Variants in OSBPL8 observed in about 807,000 individuals in gnomAD.
OSBPL8 encodes oxysterol-binding protein-related protein 8.
A neutral mutation model predicts 125.5 loss-of-function variants in OSBPL8; 59 were observed. The observed-to-expected ratio is 0.47, with a 90% CI of 0.38 to 0.58. The LOEUF is 0.58. Ranked by LOEUF, OSBPL8 falls within the 20% of genes least tolerant of loss-of-function variation. The pLI, the probability that OSBPL8 is intolerant of heterozygous loss-of-function variation, is 0.00. For missense variants in OSBPL8, 758 were observed against 1,047.8 expected, an observed-to-expected ratio of 0.72 and a Z score of 3.82; for synonymous variants, 330 against 338.9, an observed-to-expected ratio of 0.97 and a Z score of 0.29.
At chr12:76,536,413 A>C (rs1382756870) in intron 1 of OSBPL8, among the ~76,000 whole-genome samples, 2 of 152,128 alleles carry the variant, frequency 1.3e-5, no homozygotes, top group African/African-American at 4.8e-5. Context: ...TAACTGAGAT[A>C]ATTAATTTTG....
At chr12:76,518,860 T>A (rs1881804233) in intron 1 of OSBPL8, among the ~76,000 whole-genome samples, 1 of 152,294 alleles carries the variant, frequency 6.6e-6, no homozygotes, top group Admixed American at 6.5e-5. Context: ...CTGGGACAGG[T>A]CCCTGAAACC....
intron 15 of OSBPL8, among the ~76,000 whole-genome samples, chr12:76,379,346 C>CCGTA (rs1952945790): frequency 6.6e-6 from 1 of 152,050 alleles, no homozygotes; most frequent in Admixed American, 6.6e-5. Flanking sequence ...AAGTTTTCTC[C>CCGTA]TGTATGCATT....
intron 1 of OSBPL8, among the ~76,000 whole-genome samples, chr12:76,510,274 T>C (rs1377396896): frequency 1.3e-5 from 2 of 152,210 alleles, no homozygotes; most frequent in Non-Finnish European, 2.9e-5. Context: ...GACAAGTTAC[T>C]AATAAAATGC....
intron 16 of OSBPL8, among the ~76,000 whole-genome samples, chr12:76,377,712 C>T (rs536635856): frequency 6.6e-6 from 1 of 152,250 alleles, no homozygotes; most frequent in South Asian, 2.1e-4. Flanking sequence ...AGGGAGGATA[C>T]ACATCATGAC....
intron 9 of OSBPL8, among the ~76,000 whole-genome samples, chr12:76,393,995 G>A (rs948804965): frequency 6.6e-6 from 1 of 152,178 alleles, no homozygotes; most frequent in African/African-American, 2.4e-5. Flanking sequence ...ACTCCAGGCT[G>A]GCAACAGAGC....
At chr12:76,378,097 A>T (rs889643464) in intron 16 of OSBPL8, among the ~76,000 whole-genome samples, 11 of 152,222 alleles carry the variant, frequency 7.2e-5, no homozygotes, top group Non-Finnish European at 7.3e-5. Flanking sequence ...TTAAAATTTT[A>T]AAAAAGCATG....
In OSBPL8 at chr12:76,451,460, C is replaced by T. The variant is rs529394461; in HGVS notation, c.80-472G>A. Among the ~76,000 whole-genome samples the T allele has an allele frequency of 2.0e-5, 3 of 152,230 alleles. No homozygotes were observed. The South Asian group carries it at 6.2e-4, about 32-fold the overall frequency. ...TTTGACATTCGCTAGAATTTCTACT[C>T]TAATTTCTAATTTTCACGAAAAGTC... On this transcript the variant is annotated intron_variant, in intron 3 of 23. Coordinates refer to ENST00000261183, the MANE Select transcript of OSBPL8 (RefSeq NM_020841.5).
chr12:76,404,899 C>T (rs924869654), intron 5 of OSBPL8, among the ~76,000 whole-genome samples: 5 of 151,966 alleles, frequency 3.3e-5, no homozygotes, highest in Admixed American at 6.5e-5. Context: ...GCATGTTGTT[C>T]GAGGATCAAC....
At chr12:76,550,882 C>T (rs1252784664) in intron 1 of OSBPL8, among the ~76,000 whole-genome samples, 1 of 152,046 alleles carries the variant, frequency 6.6e-6, no homozygotes, top group African/African-American at 2.4e-5. Flanking sequence ...TCAAATTCAG[C>T]CTATGCAAAA....
rs1232937223 is a variant in OSBPL8, at chr12:76,397,361, C to A, written c.672+333G>T. 5.0e-4 allele frequency among the ~76,000 whole-genome samples: 4 copies of A among 8,074 alleles called. No individual in the cohort carries two copies. In the East Asian group the frequency reaches 9.1e-3, roughly 18 times the overall value. 5.3% of individuals were successfully genotyped at this position (8,074 alleles called of 152,430 possible). On this transcript the variant is annotated intron_variant, in intron 8 of 23. Transcript: ENST00000261183. ...AGGGGGTGGGGAGGGGGGGTGGGGGCAGGTGGGTGGGAAAAAAAAAACCAA... is the reference window on the plus strand; with the variant it reads ...AGGGGGTGGGGAGGGGGGGTGGGGGAAGGTGGGTGGGAAAAAAAAAACCAA...
intron 7 of OSBPL8, 74 bp downstream of exon 7, chr12:76,399,799 G>T: frequency 8.6e-7 from 1 of 1,165,538 alleles, no homozygotes. Context: ...GTAGGCGTTA[G>T]GTATACTCCA....
intron 1 of OSBPL8, among the ~76,000 whole-genome samples, chr12:76,500,948 G>A (rs1025525404): frequency 5.9e-5 from 9 of 152,174 alleles, no homozygotes; most frequent in South Asian, 2.1e-4. Flanking sequence ...AGTTACTACT[G>A]TGTACTTAAC....
chr12:76,471,777 GA>G (rs1455858542), intron 2 of OSBPL8, among the ~76,000 whole-genome samples: 2 of 152,140 alleles, frequency 1.3e-5, no homozygotes, highest in African/African-American at 4.8e-5. Context: ...TCACAAATGT[GA>G]CAAACTGAAA....
intron 4 of OSBPL8, among the ~76,000 whole-genome samples, chr12:76,440,484 T>G (rs937061194): frequency 2.0e-5 from 3 of 152,230 alleles, no homozygotes; most frequent in Admixed American, 6.5e-5. Context: ...AAGATTTGTG[T>G]CAGTTCTTCC....
intron 16 of OSBPL8, among the ~76,000 whole-genome samples, 175 bp from the exon 17 acceptor site, chr12:76,375,545 A>G (rs1389388502): frequency 1.3e-5 from 2 of 152,166 alleles, no homozygotes; most frequent in African/African-American, 2.4e-5. Context: ...ATATAAATAG[A>G]TAACACCTGA....
intron 1 of OSBPL8, among the ~76,000 whole-genome samples, chr12:76,516,877 C>T (rs925128213): frequency 2.0e-5 from 3 of 149,828 alleles, no homozygotes; most frequent in African/African-American, 7.4e-5. Flanking sequence ...TGCAGTGGCG[C>T]AGTATCGGCT....
chr12:76,542,814 C>A (rs1442554918), intron 1 of OSBPL8, among the ~76,000 whole-genome samples: 1 of 152,168 alleles, frequency 6.6e-6, no homozygotes, highest in Non-Finnish European at 1.5e-5. Context: ...GGTCTCAGGC[C>A]TCACATGATC....
At chr12:76,514,563 G>C (rs1224510806) in intron 1 of OSBPL8, among the ~76,000 whole-genome samples, 1 of 152,138 alleles carries the variant, frequency 6.6e-6, no homozygotes, top group African/African-American at 2.4e-5. Context: ...GGTTGCCTTT[G>C]CAGATGACCT....
chr12:76,402,747 T>C lies in OSBPL8; in HGVS notation c.308A>G (p.Asn103Ser). ...SKSKSESKLY[N>S]GSEKDSSTSS... is the part of the protein sequence containing the mutation. ...AGTTGAACTGTCCTTCTCTGAGCCA[T>C]TATAAAGTTTAGATTCAGACTGAAA... Residue 103 changes from asparagine (N) to serine (S), a missense_variant, in exon 6 of 24, where the codon AAT (asparagine) becomes AGT (serine). This residue lies in a region of OSBPL8 where 117 missense variants were observed against 137.1 expected (regional missense o/e 0.85). Transcript: ENST00000261183. 6.2e-7 allele frequency: 1 copy of C among 1,603,418 alleles called. No homozygotes were observed. The highest frequency in any genetic ancestry group is 8.5e-7 in the Non-Finnish European group (1 of 1,171,208).
Sources: allele counts gnomAD v4.1 joint callset (sites outside exome capture counted in the v4.1 genomes callset), GRCh38; gene constraint gnomAD v4.1.1; regional missense constraint gnomAD v4.1.1; transcripts MANE v1.5; gene names NCBI Gene and HGNC (gene_info 2026-07-23, HGNC 2026-07-21).